The following PEX26 variants were observed in gnomAD, a reference collection of about 807,000 sequenced individuals.
PEX26 encodes peroxisomal biogenesis factor 26.
In PEX26, 18 loss-of-function variants were observed where a neutral mutation model predicts 31.4. That is an observed-to-expected ratio of 0.57 (90% CI 0.40 to 0.85). PEX26 has a LOEUF of 0.85. PEX26 is among the 40% of genes least tolerant of loss of function. The pLI is 0.00. For synonymous variants in PEX26, 176 were observed against 166.9 expected (o/e 1.05, Z -0.42); for missense variants, 377 against 383.9 (o/e 0.98, Z 0.15).
At chr22:18,087,359 G>A (rs1926881765) in intron 4 of PEX26, among the ~76,000 whole-genome samples, 1 of 152,218 alleles carries the variant, frequency 6.6e-6, no homozygotes, top group East Asian at 1.9e-4. Context: ...ATAGGCACAA[G>A]CCATCATGCC....
At chr22:18,086,987 A>C (rs1926867521) in intron 4 of PEX26, among the ~76,000 whole-genome samples, 1 of 151,942 alleles carries the variant, frequency 6.6e-6, no homozygotes, top group Non-Finnish European at 1.5e-5. Context: ...ATCTTGGCTC[A>C]CTGCAACCTC....
chr22:18,100,462 T>A lies in PEX26; in HGVS notation c.*12387T>A, dbSNP rs1275923465. The A allele has an allele frequency of 6.6e-6, 1 of 152,148 alleles. No homozygotes were observed. The highest frequency in any genetic ancestry group is 1.5e-5 in the Non-Finnish European group (1 of 68,030). 9.4% of individuals were successfully genotyped at this position (152,148 alleles called of 1,614,324 possible). A position where few individuals can be genotyped will look rare whatever the true frequency, so the allele number is the denominator to read the frequency against. ...ATACCTCAAGTGTACCTCATTTACC[T>A]CAAATATACCTCATGGTCCGAAAGT... On this transcript the variant is annotated 3_prime_UTR_variant, in exon 5 of 5. Coordinates refer to ENST00000399744, the MANE Select transcript of PEX26 (RefSeq NM_001127649.3).
chr22:18,086,788 G>A (rs892106841), intron 4 of PEX26, among the ~76,000 whole-genome samples: 58 of 152,176 alleles, frequency 3.8e-4, no homozygotes, highest in African/African-American at 1.3e-3. Context: ...CAAATGGTTT[G>A]TCTATTTTGA....
Position 18,100,994 on chromosome 22 carries a change from G to A in PEX26, c.*12919G>A, listed in dbSNP as rs2053137704. On this transcript the variant is annotated 3_prime_UTR_variant, in exon 5 of 5. Transcript: ENST00000399744. ...GAATGAATGCCGACTTAGCATTTTT[G>A]CCTTCACAGCGCTGGCAACTAAAAG... 6.6e-6 allele frequency: 1 copy of A among 152,178 alleles called. No individual in the cohort carries two copies. Among genetic ancestry groups the A allele is most frequent in the African/African-American group, 2.4e-5 (1 of 41,440 alleles). The allele number at this position is 152,178 out of a possible 1,614,324, so 9.4% of individuals were successfully genotyped here.
In PEX26 at chr22:18,091,572, G is replaced by C. The variant is rs1456332400; in HGVS notation, c.*3497G>C. The C allele has an allele frequency of 6.6e-6, 1 of 152,184 alleles. No individual in the cohort carries two copies. The highest frequency in any genetic ancestry group is 1.9e-4 in the East Asian group (1 of 5,184). The allele number at this position is 152,184 out of a possible 1,614,324, so 9.4% of individuals were successfully genotyped here. On this transcript the variant is annotated 3_prime_UTR_variant, in exon 5 of 5. Transcript: ENST00000399744. Reference sequence around the variant, plus strand: ...AGAATCACTTGAACCCGGGAGGCAAGGGTTGCAGTGAGCTGAGATCGCGCC... The same window carrying C: ...AGAATCACTTGAACCCGGGAGGCAACGGTTGCAGTGAGCTGAGATCGCGCC...
Position 18,092,596 on chromosome 22 carries a change from A to T in PEX26, c.*4521A>T, listed in dbSNP as rs1327978114. 1 of 152,154 alleles carries T rather than the reference A, an allele frequency of 6.6e-6. No homozygotes were observed. Among genetic ancestry groups the T allele is most frequent in the African/African-American group, 2.4e-5 (1 of 41,430 alleles). The allele number at this position is 152,154 out of a possible 1,614,324, so 9.4% of individuals were successfully genotyped here. On this transcript the variant is annotated 3_prime_UTR_variant, in exon 5 of 5. Transcript: ENST00000399744. ...GTGATCCCACCACTCAGAAATAATT[A>T]CTATTAATACGGTTGATTTTCTTTC... is the stretch of plus-strand genomic sequence containing the variant.
intron 4 of PEX26, among the ~76,000 whole-genome samples, chr22:18,087,724 A>G (rs1264149170): frequency 1.3e-5 from 2 of 152,154 alleles, no homozygotes; most frequent in Non-Finnish European, 2.9e-5. Context: ...TGGAGTGATG[A>G]TGGTGGGGGA....
At position 18,088,065 on chromosome 22, in the gene PEX26, T is replaced by A; in HGVS notation, c.908T>A (p.Ile303Asn). 1 of 1,608,214 alleles carries A rather than the reference T, an allele frequency of 6.2e-7. No homozygotes were observed. The highest frequency in any genetic ancestry group is 8.5e-7 in the Non-Finnish European group (1 of 1,175,504). ...TTTTCTCGCCTCTACCAGCTCCGCA[T>A]CCGTGACTGAGGGTCCCTGCGCACC... ...AAFSRLYQLR[I>N]RD Residue 303 changes from isoleucine (I) to asparagine (N), a missense_variant, in exon 5 of 5, where the codon ATC becomes AAC. Transcript: ENST00000399744. This position sits in a 1 kb window ranked among gnomAD's most constrained non-coding sequence, Gnocchi z 4.1.
At position 18,091,241 on chromosome 22, in the gene PEX26, C is replaced by T. The variant is rs560537265; in HGVS notation, c.*3166C>T. On this transcript the variant is annotated 3_prime_UTR_variant, in exon 5 of 5. Coordinates refer to ENST00000399744, the MANE Select transcript of PEX26 (RefSeq NM_001127649.3). ...GGCAACCCTTGCCAGTCTGTTTATC[C>T]CTCCAGATACAGTCTCTGATAGTAA... 6.6e-6 allele frequency: 1 copy of T among 152,380 alleles called. No individual in the cohort carries two copies. Among genetic ancestry groups the T allele is most frequent in the African/African-American group, 2.4e-5 (1 of 41,576 alleles). The allele number at this position is 152,380 out of a possible 1,614,324, so 9.4% of individuals were successfully genotyped here.
intron 2 of PEX26, chr22:18,081,425 T>G (rs1266502290): frequency 1.3e-5 from 2 of 152,972 alleles, no homozygotes; most frequent in Non-Finnish European, 2.9e-5. Flanking sequence ...CATTCTTAAG[T>G]TTATTTTGAT....
intron 3 of PEX26, among the ~76,000 whole-genome samples, chr22:18,084,307 C>T (rs1372835872): frequency 1.4e-5 from 2 of 145,638 alleles, no homozygotes; most frequent in Admixed American, 7.1e-5. Flanking sequence ...TGCAGTGATG[C>T]GATCTCCGCT....
chr22:18,098,800 G>A lies in PEX26; in HGVS notation c.*10725G>A, dbSNP rs189197876. On this transcript the variant is annotated 3_prime_UTR_variant, in exon 5 of 5. Transcript: ENST00000399744. ...TATAATATATATACACATATGCAAT[G>A]GAGTAATGAAAATACTATATAATAA... The A allele has an allele frequency of 6.6e-6, 1 of 151,354 alleles. No homozygotes were observed. Among genetic ancestry groups the A allele is most frequent in the Non-Finnish European group, 1.5e-5 (1 of 67,866 alleles). The allele number at this position is 151,354 out of a possible 1,614,324, so 9.4% of individuals were successfully genotyped here.
intron 2 of PEX26, among the ~76,000 whole-genome samples, chr22:18,080,606 A>C (rs1164994680): frequency 6.6e-6 from 1 of 152,250 alleles, no homozygotes; most frequent in Non-Finnish European, 1.5e-5. Flanking sequence ...CTGGGATTAC[A>C]GATGTGAGCC....
intron 2 of PEX26, among the ~76,000 whole-genome samples, chr22:18,080,391 A>G (rs1853082673): frequency 6.6e-6 from 1 of 152,142 alleles, no homozygotes; most frequent in African/African-American, 2.4e-5. Flanking sequence ...GTGCAGTGGC[A>G]CAGTCTCTGC....
At position 18,085,196 on chromosome 22, in the gene PEX26, C is replaced by T. The variant is rs746675328; in HGVS notation, c.752C>T (p.Pro251Leu). Residue 251 changes from proline to leucine, a missense_variant, in exon 4 of 5, where the codon CCC (proline) becomes CTC (leucine). Coordinates refer to ENST00000399744, the MANE Select transcript of PEX26 (RefSeq NM_001127649.3). ...GCGGTGAGCCACTTCTTTTCTCTGCCCTTCAAAAAGAGTCTCCTGGCTGCC... is the reference window on the plus strand; with the variant it reads ...GCGGTGAGCCACTTCTTTTCTCTGCTCTTCAAAAAGAGTCTCCTGGCTGCC... The part of the protein sequence containing the change: ...DSAVSHFFSL[P>L]FKKSLLAALI... 1.4e-5 allele frequency: 23 copies of T among 1,613,962 alleles called. No homozygotes were observed. Among genetic ancestry groups the T allele is most frequent in the Non-Finnish European group, 1.9e-5 (22 of 1,179,984 alleles).
chr22:18,079,864 C>T lies in PEX26; in HGVS notation c.231-10C>T. The T allele has an allele frequency of 6.2e-7, 1 of 1,614,104 alleles. No homozygotes were observed. Among genetic ancestry groups the T allele is most frequent in the Non-Finnish European group, 8.5e-7 (1 of 1,179,998 alleles). On this transcript the variant is annotated splice_polypyrimidine_tract_variant and intron_variant, in intron 1 of 4. Coordinates refer to ENST00000399744, the MANE Select transcript of PEX26 (RefSeq NM_001127649.3). ...CCACTTCTAACTGAAATTGGTTTTT[C>T]TGCTGACAGCTCATTGGAGGTGAAG...
Position 18,093,115 on chromosome 22 carries a change from T to C in PEX26, c.*5040T>C, listed in dbSNP as rs1180606174. On this transcript the variant is annotated 3_prime_UTR_variant, in exon 5 of 5. Coordinates refer to ENST00000399744, the MANE Select transcript of PEX26 (RefSeq NM_001127649.3). Reference sequence around the variant, plus strand: ...TAAGAGCAAAGCAGGAGTTTGTTTTTTCTTTGTGCAGATACATACAGAGAC... The same window carrying C: ...TAAGAGCAAAGCAGGAGTTTGTTTTCTCTTTGTGCAGATACATACAGAGAC... The C allele has an allele frequency of 6.6e-6, 1 of 152,194 alleles. No individual in the cohort carries two copies. The highest frequency in any genetic ancestry group is 2.4e-5 in the African/African-American group (1 of 41,438). 9.4% of individuals were successfully genotyped at this position (152,194 alleles called of 1,614,324 possible).
chr22:18,078,849 T>G, intron 1 of PEX26: 1 of 686,294 alleles, frequency 1.5e-6, no homozygotes. Flanking sequence ...CAAGGTACAA[T>G]GACATGATGG....
chr22:18,085,092 T>A lies in PEX26; in HGVS notation c.668-20T>A, dbSNP rs747670268. ...GATTCCCATGACATCCCTGAAGCTG[T>A]GCTCTGTCTCCCTGGCCAGGCTCTG... On this transcript the variant is annotated intron_variant, in intron 3 of 4. Transcript: ENST00000399744. The A allele has an allele frequency of 1.9e-6, 3 of 1,613,768 alleles. No individual in the cohort carries two copies. The highest frequency in any genetic ancestry group is 3.3e-5 in the Admixed American group (2 of 60,006).
Sources: gnomAD v4.1 joint callset for allele counts (sites outside exome capture counted in the v4.1 genomes callset) on GRCh38, gnomAD v4.1.1 for gene constraint, Gnocchi (gnomAD v3.1) non-coding constraint, MANE v1.5 for transcripts, NCBI Gene and HGNC (gene_info 2026-07-23, HGNC 2026-07-21) for gene names.